PRIM2: variants seen among roughly 807,000 people sequenced by gnomAD.
PRIM2 encodes the protein DNA primase large subunit.
PRIM2 carries 39 observed loss-of-function variants against 67.3 expected under a neutral mutation model. That is an observed-to-expected ratio of 0.58 (90% CI 0.45 to 0.76). The LOEUF (loss-of-function observed/expected upper bound fraction) is 0.76. PRIM2 is among the 30% of genes least tolerant of loss of function. The pLI is 0.00. For missense variants in PRIM2, 398 were observed against 598.7 expected (o/e 0.66, Z 3.50); for synonymous variants, 143 against 198.7 (o/e 0.72, Z 2.36).
At chr6:57,312,415 T>C, upstream of PRIM2, among the ~76,000 whole-genome samples, 1 of 151,854 alleles carries the variant, frequency 6.6e-6, no homozygotes, top group Non-Finnish European at 1.5e-5. Flanking sequence ...GCTGGGAGGA[T>C]CGCTTGAGTC....
intron 8 of PRIM2, among the ~76,000 whole-genome samples, chr6:57,509,201 C>T (rs1442360399): frequency 1.3e-5 from 2 of 151,388 alleles, no homozygotes; most frequent in African/African-American, 2.4e-5. Context: ...TGTTGGGTTA[C>T]GAAGAAGTCG....
At chr6:57,298,343 A>C in the PRIM2 span, among the ~76,000 whole-genome samples, 2 of 152,176 alleles carry the variant, frequency 1.3e-5, no homozygotes, top group Non-Finnish European at 2.9e-5. Flanking sequence ...CCTGGACCAC[A>C]GGGTGAGACT....
At position 57,434,949 on chromosome 6, in the gene PRIM2, AT is replaced by A. The variant is rs60461511; in HGVS notation, c.693+52792del. 1.4e-3 allele frequency: 206 copies of A among 146,816 alleles called. 4 individuals are homozygous for A. The East Asian group carries it at 0.016, about 11-fold the overall frequency. 9.1% of individuals were successfully genotyped at this position (146,816 alleles called of 1,614,324 possible). ...GCCACCATACTCAGCTGATTTTTGT[AT>A]TTTTTTTTTTGTTTTTGTAGATATG... On this transcript the variant is annotated intron_variant, in intron 7 of 13. Coordinates refer to ENST00000615550, the MANE Select transcript of PRIM2 (RefSeq NM_000947.5).
chr6:57,226,214 A>C, the PRIM2 span, among the ~76,000 whole-genome samples: 2 of 152,238 alleles, frequency 1.3e-5, no homozygotes, highest in African/African-American at 4.8e-5. Flanking sequence ...TACACAAATA[A>C]GTGATTACAT....
At chr6:57,473,211 T>A (rs1773379011) in intron 7 of PRIM2, among the ~76,000 whole-genome samples, 1 of 152,194 alleles carries the variant, frequency 6.6e-6, no homozygotes, top group South Asian at 2.1e-4. Flanking sequence ...TTAAATGGGC[T>A]TTGCTGAAGC....
At chr6:57,503,122 T>C (rs1554347027) in intron 7 of PRIM2, among the ~76,000 whole-genome samples, 76,314 of 151,972 alleles carry the variant, frequency 0.5, 20,007 homozygotes, top group East Asian at 0.68. Context: ...TGAGTACATA[T>C]TGCATGCCAT....
chr6:57,402,271 A>G (rs1770738791), intron 7 of PRIM2, among the ~76,000 whole-genome samples: 1 of 152,194 alleles, frequency 6.6e-6, no homozygotes, highest in African/African-American at 2.4e-5. Context: ...CCAGCAAGGT[A>G]TGGACCTGTT....
chr6:57,449,444 C>T (rs1772467135), intron 7 of PRIM2, among the ~76,000 whole-genome samples: 2 of 152,070 alleles, frequency 1.3e-5, no homozygotes, highest in Non-Finnish European at 2.9e-5. Context: ...CAGGATTATT[C>T]AATTATTTTA....
At chr6:57,528,130 A>ATT (rs1186258196) in intron 8 of PRIM2, among the ~76,000 whole-genome samples, 11 of 142,360 alleles carry the variant, frequency 7.7e-5, no homozygotes, top group Admixed American at 1.4e-4. Flanking sequence ...CACCCAGCTA[A>ATT]TTTTTTTTTT....
the PRIM2 span, among the ~76,000 whole-genome samples, chr6:57,286,211 C>T: frequency 3.9e-5 from 6 of 152,042 alleles, no homozygotes; most frequent in South Asian, 1.2e-3. Flanking sequence ...CAATGCTATC[C>T]CCATCAAGCT....
chr6:57,302,663 G>T, the PRIM2 span, among the ~76,000 whole-genome samples: 2 of 152,162 alleles, frequency 1.3e-5, no homozygotes, highest in African/African-American at 2.4e-5. Flanking sequence ...ATTTGGAAGA[G>T]TGCCTTATAT....
At chr6:57,438,103 CTG>C (rs2127383306) in intron 7 of PRIM2, among the ~76,000 whole-genome samples, 1 of 150,584 alleles carries the variant, frequency 6.6e-6, no homozygotes, top group South Asian at 2.1e-4. Flanking sequence ...GAAACATTTT[CTG>C]TGTCGTCTTT....
intron 7 of PRIM2, among the ~76,000 whole-genome samples, chr6:57,464,928 CT>C: frequency 6.6e-6 from 1 of 152,108 alleles, no homozygotes; most frequent in Non-Finnish European, 1.5e-5. Context: ...AAAGTTGAGA[CT>C]CAGAAATTTA....
At chr6:57,578,675 TG>T (rs1405725655) in intron 10 of PRIM2, among the ~76,000 whole-genome samples, 112 of 101,784 alleles carry the variant, frequency 1.1e-3, no homozygotes, top group Middle Eastern at 6.0e-3. Context: ...TTTTGTTTTT[TG>T]TTTTTTTTTT....
chr6:57,485,522 T>C (rs1482515257), intron 7 of PRIM2, among the ~76,000 whole-genome samples: 1 of 152,152 alleles, frequency 6.6e-6, no homozygotes, highest in African/African-American at 2.4e-5. Context: ...TGAGCAAGTA[T>C]TGGTTTATGC....
the PRIM2 span, among the ~76,000 whole-genome samples, chr6:57,249,695 C>T: frequency 6.6e-6 from 1 of 152,086 alleles, no homozygotes; most frequent in African/African-American, 2.4e-5. Flanking sequence ...TGAGCTGAGA[C>T]CATGCCATTG....
At chr6:57,590,454 T>C (rs1381408611) in intron 10 of PRIM2, among the ~76,000 whole-genome samples, 2 of 152,240 alleles carry the variant, frequency 1.3e-5, no homozygotes, top group Non-Finnish European at 2.9e-5. Context: ...TGGGGATTCC[T>C]AATTCCAAAT....
chr6:57,239,463 A>T, the PRIM2 span, among the ~76,000 whole-genome samples: 1 of 152,066 alleles, frequency 6.6e-6, no homozygotes, highest in East Asian at 1.9e-4. Flanking sequence ...GGCCATGTGT[A>T]GTGACGCATG....
the PRIM2 span, among the ~76,000 whole-genome samples, chr6:57,227,797 C>T: frequency 0.015 from 2,324 of 152,224 alleles, 64 homozygotes; most frequent in African/African-American, 0.053. Flanking sequence ...GAATCCAATT[C>T]TCTTAATGGG....
Sources: gnomAD v4.1 joint callset for allele counts (sites outside exome capture counted in the v4.1 genomes callset) on GRCh38, gnomAD v4.1.1 for gene constraint, MANE v1.5 for transcripts, NCBI Gene and HGNC (gene_info 2026-07-23, HGNC 2026-07-21) for gene names.